PRR5: variants seen among roughly 807,000 people sequenced by gnomAD.
PRR5 encodes proline rich 5.
In PRR5, 25 loss-of-function variants were observed where a neutral mutation model predicts 30.6. That is an observed-to-expected ratio of 0.82 (90% confidence interval 0.60 to 1.14). The LOEUF (loss-of-function observed/expected upper bound fraction) is 1.14, where lower values mean the gene tolerates loss of function less well. PRR5 is among the 50% of genes most tolerant of loss of function. The pLI is 0.00. For synonymous variants in PRR5, 286 were observed against 247.1 expected, an observed-to-expected ratio of 1.16 and a Z score of -1.48; for missense variants, 600 against 547.1, an observed-to-expected ratio of 1.10 and a Z score of -0.96.
chr22:44,728,024 C>T (rs1030857726), intron 4 of PRR5, among the ~76,000 whole-genome samples: 1 of 152,220 alleles, frequency 6.6e-6, no homozygotes, highest in East Asian at 1.9e-4. Context: ...GTACCTCCCA[C>T]CAGATCTGGC....
At position 44,705,364 on chromosome 22, in the gene PRR5, T is replaced by TCC. The variant is rs1362181207; in HGVS notation, c.134+2757_134+2758dup. Reference sequence around the variant, plus strand: ...TTCTTGAGACGGAGTTTCACTCTTGTCCAGGCTGGAGTGCAATGGTGTGAT... The same window carrying TCC: ...TTCTTGAGACGGAGTTTCACTCTTGTCCCCAGGCTGGAGTGCAATGGTGTGAT... On this transcript the variant is annotated intron_variant, in intron 1 of 7. Coordinates refer to ENST00000336985, the MANE Select transcript of PRR5 (RefSeq NM_181333.4). 3.9e-5 allele frequency among the ~76,000 whole-genome samples: 6 copies of TCC among 152,216 alleles called. No homozygotes were observed. The East Asian group carries it at 1.2e-3, about 29-fold the overall frequency.
chr22:44,708,060 G>T (rs572100524), intron 1 of PRR5, among the ~76,000 whole-genome samples: 1 of 152,122 alleles, frequency 6.6e-6, no homozygotes, highest in African/African-American at 2.4e-5. Context: ...CTGGCCAGGC[G>T]TGGTGGCTCA....
intron 1 of PRR5, among the ~76,000 whole-genome samples, chr22:44,706,831 G>C (rs1402053390): frequency 1.3e-5 from 2 of 151,670 alleles, no homozygotes; most frequent in Non-Finnish European, 2.9e-5. Context: ...CTTGGGCCAG[G>C]GAATGTTTGT....
chr22:44,726,741 C>G, intron 4 of PRR5, 107 bp downstream of exon 4: 1 of 1,544,350 alleles, frequency 6.5e-7, no homozygotes, highest in East Asian at 2.3e-5. Context: ...GTGTGGCTCT[C>G]TGGTCCGGAG....
chr22:44,675,370 G>A (rs1195711669), upstream of PRR5, among the ~76,000 whole-genome samples: 1 of 152,190 alleles, frequency 6.6e-6, no homozygotes, highest in African/African-American at 2.4e-5. Flanking sequence ...TGGGATTACA[G>A]GCATGAGCCA....
At chr22:44,681,063 T>A in intron 1 of PRR5, among the ~76,000 whole-genome samples, 1 of 152,192 alleles carries the variant, frequency 6.6e-6, no homozygotes, top group East Asian at 1.9e-4. Flanking sequence ...GTGCTGCCAG[T>A]GGTTCCTGTG....
At chr22:44,696,560 A>G (rs1925761856) in intron 1 of PRR5, among the ~76,000 whole-genome samples, 1 of 152,030 alleles carries the variant, frequency 6.6e-6, no homozygotes, top group Non-Finnish European at 1.5e-5. Flanking sequence ...ATCCAGAACA[A>G]AAGGAGGGCA....
At chr22:44,676,412 A>AAG (rs1555894694), upstream of PRR5, among the ~76,000 whole-genome samples, 1 of 148,456 alleles carries the variant, frequency 6.7e-6, no homozygotes, top group African/African-American at 2.5e-5. Flanking sequence ...AAAAAAAAAA[A>AAG]AAAGAAAGAA....
At position 44,702,408 on chromosome 22, in the gene PRR5, T is replaced by G; in HGVS notation, c.-67T>G. ...GGGCGCATCGCCGGCCCGGGGCCCTTGGTGCGGCGTGGCGCAGGGCGCGGC... is the reference window on the plus strand; with the variant it reads ...GGGCGCATCGCCGGCCCGGGGCCCTGGGTGCGGCGTGGCGCAGGGCGCGGC... On this transcript the variant is annotated 5_prime_UTR_variant, in exon 1 of 8. Transcript: ENST00000336985. The G allele has an allele frequency of 1.6e-6, 2 of 1,231,394 alleles. No homozygotes were observed. The highest frequency in any genetic ancestry group is 2.0e-6 in the Non-Finnish European group (2 of 984,994). The allele number at this position is 1,231,394 out of a possible 1,614,324, so 76.3% of individuals were successfully genotyped here. A position where few individuals can be genotyped will look rare whatever the true frequency, so the allele number is the denominator to read the frequency against.
chr22:44,705,005 G>C (rs941775187), intron 1 of PRR5, among the ~76,000 whole-genome samples: 2 of 152,162 alleles, frequency 1.3e-5, no homozygotes, highest in Admixed American at 1.3e-4. Flanking sequence ...GGGGACAGGC[G>C]TGTCATTCTG....
chr22:44,725,548 G>A (rs57844723), intron 3 of PRR5, among the ~76,000 whole-genome samples: 15,709 of 152,258 alleles, frequency 0.1, 865 homozygotes, highest in African/African-American at 0.12. Flanking sequence ...CCAGCTCACC[G>A]CAACCTCCAC....
upstream of PRR5, among the ~76,000 whole-genome samples, chr22:44,673,818 T>A (rs1923558880): frequency 6.6e-6 from 1 of 152,114 alleles, no homozygotes; most frequent in Admixed American, 6.6e-5. Flanking sequence ...TACCTATGGC[T>A]GGGAGAGGGT....
upstream of PRR5, among the ~76,000 whole-genome samples, chr22:44,676,431 GAA>G (rs1433704019): frequency 6.9e-6 from 1 of 144,232 alleles, no homozygotes; most frequent in Non-Finnish European, 1.5e-5. Context: ...AAAGAAAAGA[GAA>G]GAGAAGAAAA....
At chr22:44,697,219 G>A (rs1167058563), upstream of PRR5, among the ~76,000 whole-genome samples, 2 of 152,208 alleles carry the variant, frequency 1.3e-5, no homozygotes, top group East Asian at 3.9e-4. Flanking sequence ...GTGGCCTGGT[G>A]CTTGGTGCCG....
rs192203916 is a variant in PRR5 at position 44,720,961 on chromosome 22, G to T, written c.216-4283G>T. On this transcript the variant is annotated intron_variant, in intron 2 of 7. Coordinates refer to ENST00000336985, the MANE Select transcript of PRR5 (RefSeq NM_181333.4). ...GATTTCCAGCCATTGTGAGCCAAGG[G>T]GCCATTTGGTCCTGAAGGAGGCATT... 1.8e-3 allele frequency among the ~76,000 whole-genome samples: 273 copies of T among 152,266 alleles called. 1 individual carries two copies. Among genetic ancestry groups the T allele is most frequent in the African/African-American group, 6.4e-3 (265 of 41,548 alleles).
Position 44,737,112 on chromosome 22 carries a change from C to T in PRR5, c.1032C>T (p.Ser344=), listed in dbSNP as rs1345836524. 6.8e-6 allele frequency: 11 copies of T among 1,612,286 alleles called. No individual in the cohort carries two copies. The highest frequency in any genetic ancestry group is 6.7e-5 in the African/African-American group (5 of 74,948). ...CCCGCAGCTCCCTGCCCCGCTCCAG[C>T]CCGGAGAACCTGGTGGACCAGATCC... is the stretch of plus-strand genomic sequence containing the variant. ...DPTRSSLPRS[S]PENLVDQILE... is the part of the protein sequence containing the mutation. Residue 344 remains serine, a synonymous_variant, in exon 8 of 8, where the codon AGC becomes AGT. Coordinates refer to ENST00000336985, the MANE Select transcript of PRR5 (RefSeq NM_181333.4).
intron 1 of PRR5, among the ~76,000 whole-genome samples, chr22:44,693,529 G>C (rs76917326): frequency 0.02 from 3,079 of 151,854 alleles, 40 homozygotes; most frequent in Middle Eastern, 0.034. Context: ...TGGCTTGTGG[G>C]CCGCATCACT....
At chr22:44,736,708 A>G (rs1265927418) in intron 7 of PRR5, 64 bp from the exon 8 acceptor site, 4 of 1,507,760 alleles carry the variant, frequency 2.7e-6, no homozygotes, top group Non-Finnish European at 3.5e-6. Context: ...AGTGAGCAGC[A>G]GGTGCCAAGG....
chr22:44,696,707 A>G (rs1925775346), intron 1 of PRR5, among the ~76,000 whole-genome samples: 1 of 151,186 alleles, frequency 6.6e-6, no homozygotes. Flanking sequence ...GGACCAAGGA[A>G]GACATGAACT....
Sources: allele counts gnomAD v4.1 joint callset (sites outside exome capture counted in the v4.1 genomes callset), GRCh38; gene constraint gnomAD v4.1.1; transcripts MANE v1.5; gene names NCBI Gene and HGNC (gene_info 2026-07-23, HGNC 2026-07-21).